The following ARHGAP6 variants were observed in gnomAD, a reference collection of about 807,000 sequenced individuals.
ARHGAP6 encodes the protein rho GTPase-activating protein 6.
Under a neutral mutation model 55.7 loss-of-function variants are expected in ARHGAP6, and 16 were observed. The observed-to-expected ratio is 0.29, with a 90% CI of 0.19 to 0.44. The LOEUF (loss-of-function observed/expected upper bound fraction) is 0.44. Ranked by LOEUF, ARHGAP6 falls within the 20% of genes least tolerant of loss-of-function variation. The probability of loss-of-function intolerance (pLI) is 1.00; values close to 1 mark genes in which losing one functional copy is unlikely to be tolerated. For synonymous variants in ARHGAP6, 382 were observed against 360.9 expected (o/e 1.06, Z -0.66); for missense variants, 698 against 808.9 (o/e 0.86, Z 1.66).
intron 1 of ARHGAP6, among the ~76,000 whole-genome samples, chrX:11,633,699 T>C (rs915547046): frequency 8.9e-6 from 1 of 112,056 alleles, no homozygotes; most frequent in Admixed American, 9.5e-5. Flanking sequence ...CTGCACAACC[T>C]TGAACCATTC....
At chrX:11,215,005 A>T (rs2046859550) in intron 2 of ARHGAP6, among the ~76,000 whole-genome samples, 1 of 113,386 alleles carries the variant, frequency 8.8e-6, no homozygotes, top group South Asian at 3.6e-4. Context: ...GAATCAGGGC[A>T]AGGCCCTGAG....
intron 1 of ARHGAP6, among the ~76,000 whole-genome samples, chrX:11,557,048 CAT>C (rs771528114): frequency 3.6e-5 from 4 of 111,826 alleles, no homozygotes; most frequent in South Asian, 7.4e-4. Context: ...AAAAAGGAAA[CAT>C]AAAGTTACTA....
intron 10 of ARHGAP6, among the ~76,000 whole-genome samples, chrX:11,153,019 T>C (rs1263986570): frequency 9.0e-6 from 1 of 111,704 alleles, no homozygotes; most frequent in East Asian, 2.8e-4. Context: ...ATTCTACCCT[T>C]GGAGGCCTCC....
chrX:11,406,651 C>T (rs907128852), intron 1 of ARHGAP6, among the ~76,000 whole-genome samples: 6 of 111,136 alleles, frequency 5.4e-5, no homozygotes, highest in African/African-American at 2.0e-4. Context: ...GCATGTTGGC[C>T]CTGATTAATG....
intron 1 of ARHGAP6, chrX:11,427,642 C>T (rs1343518243): frequency 2.4e-5 from 21 of 862,011 alleles, no homozygotes; most frequent in Non-Finnish European, 3.0e-5. Flanking sequence ...CCTGGGGTCA[C>T]GGTGTCTCTC....
In ARHGAP6 at chrX:11,156,449, T is replaced by C. The variant is rs192085601; in HGVS notation, c.1907+80A>G. The C allele has an allele frequency of 1.2e-4, 116 of 956,540 alleles. No individual in the cohort carries two copies. In the African/African-American group the frequency reaches 1.9e-3, roughly 15 times the overall value. The allele number at this position is 956,540 out of a possible 1,213,427, so 78.8% of individuals were successfully genotyped here. A position where few individuals can be genotyped will look rare whatever the true frequency, so the allele number is the denominator to read the frequency against. ...CTTCAGGTCACCCTGCATGTACTTA[T>C]GTAAACCTTTCCAATTTCTCAGAAA... On this transcript the variant is annotated intron_variant, in intron 10 of 12. Transcript: ENST00000337414.
At chrX:11,411,224 A>ATATATATAT (rs2049683149) in intron 1 of ARHGAP6, among the ~76,000 whole-genome samples, 1 of 44,902 alleles carries the variant, frequency 2.2e-5, no homozygotes, top group African/African-American at 7.6e-5. Context: ...TATATATATA[A>ATATATATAT]AATATACAAA....
chrX:11,524,678 G>A (rs969799063), intron 1 of ARHGAP6, among the ~76,000 whole-genome samples: 1 of 111,278 alleles, frequency 9.0e-6, no homozygotes, highest in Non-Finnish European at 1.9e-5. Context: ...ACCAGGGAGC[G>A]GTTTCATAGA....
chrX:11,391,455 A>G (rs748012086), intron 1 of ARHGAP6, among the ~76,000 whole-genome samples: 2 of 108,778 alleles, frequency 1.8e-5, no homozygotes, highest in South Asian at 8.2e-4. Flanking sequence ...CTAGAACTTA[A>G]AGTATGATTA....
chrX:11,474,446 A>G (rs2050383011), intron 1 of ARHGAP6, among the ~76,000 whole-genome samples: 1 of 112,491 alleles, frequency 8.9e-6, no homozygotes, highest in Admixed American at 9.4e-5. Flanking sequence ...AACTCAGAAG[A>G]TGGAATGCTA....
intron 1 of ARHGAP6, among the ~76,000 whole-genome samples, chrX:11,562,412 A>T (rs781723297): frequency 1.8e-5 from 2 of 112,042 alleles, no homozygotes; most frequent in Admixed American, 9.5e-5. Flanking sequence ...ATAGATTTTT[A>T]AAAAGCCCAT....
chrX:11,188,648 C>T, intron 4 of ARHGAP6, 80 bp downstream of exon 4: 1 of 1,132,864 alleles, frequency 8.8e-7, no homozygotes, highest in Non-Finnish European at 1.2e-6. Flanking sequence ...CCAGTTTTCA[C>T]ATGAACAAAA....
intron 1 of ARHGAP6, among the ~76,000 whole-genome samples, chrX:11,407,192 A>G (rs1291205673): frequency 9.0e-6 from 1 of 111,295 alleles, no homozygotes; most frequent in East Asian, 2.8e-4. Context: ...TCTATATTCC[A>G]TCTCCATGGA....
chrX:11,393,422 T>C (rs2049435500), intron 1 of ARHGAP6, among the ~76,000 whole-genome samples: 1 of 111,570 alleles, frequency 9.0e-6, no homozygotes, highest in Non-Finnish European at 1.9e-5. Flanking sequence ...TGCTATTAAT[T>C]TGTTAAAATT....
At chrX:11,296,693 T>C in intron 1 of ARHGAP6, 2 of 1,031,122 alleles carry the variant, frequency 1.9e-6, no homozygotes, top group Non-Finnish European at 2.7e-6. Flanking sequence ...AATTGCATAC[T>C]GACTTAATCT....
intron 1 of ARHGAP6, among the ~76,000 whole-genome samples, chrX:11,411,184 TA>T (rs1305540968): frequency 2.1e-3 from 12 of 5,692 alleles, no homozygotes; most frequent in African/African-American, 8.5e-3. Context: ...AGACATTATT[TA>T]TATATATATA....
At chrX:11,609,550 C>A (rs1296563783) in intron 1 of ARHGAP6, among the ~76,000 whole-genome samples, 1 of 111,912 alleles carries the variant, frequency 8.9e-6, no homozygotes, top group Non-Finnish European at 1.9e-5. Flanking sequence ...AGCCCTCAGG[C>A]AGAGTTTAAG....
chrX:11,369,839 T>C (rs1241268487), intron 1 of ARHGAP6, among the ~76,000 whole-genome samples: 2 of 112,068 alleles, frequency 1.8e-5, no homozygotes, highest in Admixed American at 9.5e-5. Flanking sequence ...TAGATAAATA[T>C]CAAAGGGTAA....
At chrX:11,285,461 T>C (rs1213116265) in intron 1 of ARHGAP6, among the ~76,000 whole-genome samples, 3 of 111,880 alleles carry the variant, frequency 2.7e-5, no homozygotes, top group Non-Finnish European at 5.6e-5. Flanking sequence ...AAAGGAAATA[T>C]ACATTTTGTA....
Sources: allele counts gnomAD v4.1 joint callset (sites outside exome capture counted in the v4.1 genomes callset), GRCh38; gene constraint gnomAD v4.1.1; transcripts MANE v1.5; gene names NCBI Gene and HGNC (gene_info 2026-07-23, HGNC 2026-07-21).